Variants in TMEM117 observed in about 807,000 individuals in gnomAD.
TMEM117 encodes transmembrane protein 117.
TMEM117 carries 27 observed loss-of-function variants against 52.4 expected under a neutral mutation model. That is an observed-to-expected ratio of 0.51 (90% CI 0.38 to 0.71). The LOEUF is 0.71. TMEM117 is among the 30% of genes least tolerant of loss of function. TMEM117 has a pLI of 0.00. For missense variants in TMEM117, 556 were observed against 630.5 expected (o/e 0.88, Z 1.26); for synonymous variants, 215 against 206.3 (o/e 1.04, Z -0.36).
intron 3 of TMEM117, among the ~76,000 whole-genome samples, chr12:44,041,271 T>C (rs566216816): frequency 7.5e-5 from 9 of 120,304 alleles, no homozygotes; most frequent in Non-Finnish European, 4.8e-5. Flanking sequence ...CAGGCCCCAG[T>C]GTGTGATGTT....
At chr12:44,264,003 T>C (rs1950349249) in intron 5 of TMEM117, 1 of 152,220 alleles carries the variant, frequency 6.6e-6, no homozygotes, top group Non-Finnish European at 1.5e-5. Context: ...AGAATCCCTG[T>C]TTTATGCTTT....
chr12:44,079,456 A>G (rs1427611272), intron 3 of TMEM117, among the ~76,000 whole-genome samples: 1 of 152,092 alleles, frequency 6.6e-6, no homozygotes, highest in African/African-American at 2.4e-5. Context: ...CATTTCTCTA[A>G]TGACCAGTGA....
chr12:44,290,144 C>T (rs1950686539), intron 5 of TMEM117, among the ~76,000 whole-genome samples: 1 of 152,112 alleles, frequency 6.6e-6, no homozygotes, highest in Non-Finnish European at 1.5e-5. Flanking sequence ...AAACCATCTC[C>T]CATTTCATAG....
intron 6 of TMEM117, among the ~76,000 whole-genome samples, chr12:44,339,593 T>C (rs546497583): frequency 3.9e-4 from 59 of 152,178 alleles, no homozygotes; most frequent in Non-Finnish European, 7.9e-4. Context: ...AGATATCACA[T>C]AGCTTTTCTA....
intron 4 of TMEM117, among the ~76,000 whole-genome samples, chr12:44,160,344 A>G (rs1276791985): frequency 1.3e-5 from 2 of 152,170 alleles, no homozygotes; most frequent in African/African-American, 2.4e-5. Flanking sequence ...ATATTTCTCT[A>G]CCATTTTAAA....
chr12:44,108,591 A>C (rs981236742), intron 3 of TMEM117, among the ~76,000 whole-genome samples: 3 of 86,580 alleles, frequency 3.5e-5, no homozygotes, highest in Non-Finnish European at 5.7e-5. Flanking sequence ...ACATTTTCTT[A>C]ATCCAGTCTA....
At position 43,901,949 on chromosome 12, in the gene TMEM117, G is replaced by A. The variant is rs563249417; in HGVS notation, c.278-42261G>A. ...TGTGGTCTATTCTGTGGTGATAATGGTGGCATATTACATAGAGAAAATGAT... is the reference window on the plus strand; with the variant it reads ...TGTGGTCTATTCTGTGGTGATAATGATGGCATATTACATAGAGAAAATGAT... On this transcript the variant is annotated intron_variant, in intron 2 of 7. Coordinates refer to ENST00000266534, the MANE Select transcript of TMEM117 (RefSeq NM_032256.3). Among the ~76,000 whole-genome samples, 3 of 152,180 alleles carry A rather than the reference G, an allele frequency of 2.0e-5. No individual in the cohort carries two copies. The South Asian group carries it at 6.2e-4, about 32-fold the overall frequency.
chr12:44,378,752 C>T, intron 7 of TMEM117, among the ~76,000 whole-genome samples: 1 of 152,170 alleles, frequency 6.6e-6, no homozygotes, highest in Non-Finnish European at 1.5e-5. Flanking sequence ...TTTATAAATA[C>T]ACAGATTGTT....
intron 5 of TMEM117, among the ~76,000 whole-genome samples, chr12:44,262,248 A>G (rs910972142): frequency 6.6e-6 from 1 of 152,214 alleles, no homozygotes; most frequent in East Asian, 1.9e-4. Context: ...GTGTATGTAC[A>G]TGTGTGAATT....
intron 3 of TMEM117, among the ~76,000 whole-genome samples, chr12:44,111,460 A>G (rs1358242170): frequency 1.0e-4 from 4 of 40,156 alleles, no homozygotes; most frequent in Non-Finnish European, 1.3e-4. Context: ...TCATTTCGTT[A>G]TGTACCCAGT....
rs187690501 is a variant in TMEM117 at position 44,360,298 on chromosome 12, G to A, written c.769-16297G>A. Among the ~76,000 whole-genome samples the A allele has an allele frequency of 1.5e-3, 227 of 152,212 alleles. 2 individuals carry two copies. Among genetic ancestry groups the A allele is most frequent in the African/African-American group, 5.3e-3 (222 of 41,544 alleles). Reference sequence around the variant, plus strand: ...TGATTACCTCAAGAGTCAAAGATTAGGTCGGGCGCAGTGGCTCATGCCTGT... The same window carrying A: ...TGATTACCTCAAGAGTCAAAGATTAAGTCGGGCGCAGTGGCTCATGCCTGT... On this transcript the variant is annotated intron_variant, in intron 6 of 7. Transcript: ENST00000266534.
intron 3 of TMEM117, among the ~76,000 whole-genome samples, chr12:43,991,258 A>G (rs1299518913): frequency 6.6e-6 from 1 of 152,186 alleles, no homozygotes; most frequent in African/African-American, 2.4e-5. Context: ...TGTTAGTATT[A>G]TTAGGGGCCT....
downstream of TMEM117, among the ~76,000 whole-genome samples, chr12:44,390,186 C>T (rs1236518893): frequency 6.8e-6 from 1 of 147,016 alleles, no homozygotes; most frequent in African/African-American, 2.6e-5. Context: ...TACTTAGAAT[C>T]ATAAACATAT....
At chr12:44,185,962 T>A (rs1432284055) in intron 4 of TMEM117, among the ~76,000 whole-genome samples, 1 of 151,034 alleles carries the variant, frequency 6.6e-6, no homozygotes, top group Non-Finnish European at 1.5e-5. Flanking sequence ...TTTTCTCACA[T>A]GCATTCTACC....
rs192642027 is a variant in TMEM117 at position 43,840,171 on chromosome 12, C to A, written c.-29+3975C>A. On this transcript the variant is annotated intron_variant, in intron 1 of 7. Coordinates refer to ENST00000266534, the MANE Select transcript of TMEM117 (RefSeq NM_032256.3). ...ATGTCCTTGTGTGTGGAAGGCATTG[C>A]ATGGAGTGTTGAAGCCAGGTGGCTT... Among the ~76,000 whole-genome samples, 71 of 152,206 alleles carry A rather than the reference C, an allele frequency of 4.7e-4. No homozygotes were observed. The East Asian group carries it at 0.012, about 25-fold the overall frequency.
intron 2 of TMEM117, among the ~76,000 whole-genome samples, chr12:43,930,737 A>T (rs181341815): frequency 2.6e-5 from 4 of 152,210 alleles, no homozygotes; most frequent in Non-Finnish European, 5.9e-5. Flanking sequence ...AGAAATCAGT[A>T]TAATTATTGT....
At chr12:43,826,406 A>G in the TMEM117 span, among the ~76,000 whole-genome samples, 2 of 152,174 alleles carry the variant, frequency 1.3e-5, no homozygotes, top group African/African-American at 2.4e-5. Context: ...TCTACTCCCC[A>G]TATTTCCAAT....
At chr12:44,224,557 T>C (rs1949835589) in intron 5 of TMEM117, among the ~76,000 whole-genome samples, 1 of 151,930 alleles carries the variant, frequency 6.6e-6, no homozygotes, top group African/African-American at 2.4e-5. Context: ...CTCCTCCTCC[T>C]CCTTCATGTT....
chr12:43,960,106 G>A (rs747141699), intron 3 of TMEM117, among the ~76,000 whole-genome samples: 9 of 152,126 alleles, frequency 5.9e-5, no homozygotes, highest in Non-Finnish European at 8.8e-5. Context: ...ATAATTTGTT[G>A]GGTTCACTCT....
Sources: allele counts gnomAD v4.1 joint callset (sites outside exome capture counted in the v4.1 genomes callset), GRCh38; gene constraint gnomAD v4.1.1; transcripts MANE v1.5; gene names NCBI Gene and HGNC (gene_info 2026-07-23, HGNC 2026-07-21).